CASS4: variants seen among roughly 807,000 people sequenced by gnomAD.
CASS4 encodes cas scaffolding protein family member 4.
Under a neutral mutation model 54.2 loss-of-function variants are expected in CASS4, and 22 were observed. The observed-to-expected ratio is 0.41, with a 90% CI of 0.29 to 0.58. The LOEUF is 0.58. CASS4 is among the 20% of genes least tolerant of loss of function. The probability of loss-of-function intolerance (pLI) is 0.36; values close to 1 mark genes in which losing one functional copy is unlikely to be tolerated. For missense variants in CASS4, 854 were observed against 986.7 expected (o/e 0.87, Z 1.80); for synonymous variants, 409 against 391.5 (o/e 1.04, Z -0.53).
At chr20:56,429,544 G>C (rs1447130597) in intron 1 of CASS4, among the ~76,000 whole-genome samples, 1 of 152,100 alleles carries the variant, frequency 6.6e-6, no homozygotes, top group Non-Finnish European at 1.5e-5. Context: ...CAGGGCCTTT[G>C]TTGATCTCTC....
chr20:56,422,139 A>G (rs2146266075), intron 1 of CASS4, among the ~76,000 whole-genome samples: 1 of 152,344 alleles, frequency 6.6e-6, no homozygotes, highest in African/African-American at 2.4e-5. Flanking sequence ...ACAGTTCCCC[A>G]AACCAAATAT....
At chr20:56,431,484 T>C (rs756216760) in intron 1 of CASS4, among the ~76,000 whole-genome samples, 1 of 152,354 alleles carries the variant, frequency 6.6e-6, no homozygotes, top group South Asian at 2.1e-4. Flanking sequence ...TATGGCAACA[T>C]ATTTAGAGTT....
At chr20:56,440,236 GC>G (rs1449555584) in intron 2 of CASS4, among the ~76,000 whole-genome samples, 1 of 152,152 alleles carries the variant, frequency 6.6e-6, no homozygotes, top group African/African-American at 2.4e-5. Flanking sequence ...GGAACAACTG[GC>G]CCCGATCTAG....
chr20:56,433,417 A>C (rs555035471), intron 1 of CASS4, among the ~76,000 whole-genome samples: 20 of 152,100 alleles, frequency 1.3e-4, no homozygotes, highest in Non-Finnish European at 2.4e-4. Flanking sequence ...ATGAGTCTGG[A>C]AGTGTGGGAA....
chr20:56,457,983 C>G (rs1380088400), intron 5 of CASS4, among the ~76,000 whole-genome samples: 3 of 145,942 alleles, frequency 2.1e-5, no homozygotes, highest in Non-Finnish European at 4.5e-5. Flanking sequence ...CCATTGCACT[C>G]CAGCCTGGAA....
chr20:56,446,143 G>T, intron 3 of CASS4, 142 bp downstream of exon 3: 1 of 571,440 alleles, frequency 1.7e-6, no homozygotes, highest in Non-Finnish European at 3.1e-6. Flanking sequence ...CCACTCAGAG[G>T]CCAACTTCAT....
At position 56,453,191 on chromosome 20, in the gene CASS4, A is replaced by G. The variant is rs766686684; in HGVS notation, c.1953+62A>G. 6 of 1,208,592 alleles carry G rather than the reference A, an allele frequency of 5.0e-6. No individual in the cohort carries two copies. The Admixed American group carries it at 1.0e-4, about 21-fold the overall frequency. 74.9% of individuals were successfully genotyped at this position (1,208,592 alleles called of 1,614,324 possible). ...TCAATTGTTACCTGGAGTAGTGGCT[A>G]CTAAGATGCTGAGACTCTTTCCATA... On this transcript the variant is annotated intron_variant, in intron 5 of 5. Coordinates refer to ENST00000679887, the MANE Select transcript of CASS4 (RefSeq NM_020356.4).
chr20:56,428,317 A>T lies in CASS4; in HGVS notation c.37-8847A>T, dbSNP rs138503620. Among the ~76,000 whole-genome samples, 28 of 152,356 alleles carry T rather than the reference A, an allele frequency of 1.8e-4. 1 individual carries two copies. Among genetic ancestry groups the T allele is most frequent in the African/African-American group, 6.0e-4 (25 of 41,584 alleles). On this transcript the variant is annotated intron_variant, in intron 1 of 5. Coordinates refer to ENST00000679887, the MANE Select transcript of CASS4 (RefSeq NM_020356.4). The stretch of plus-strand genomic sequence containing the variant: ...AGAAGGAGCTGGACAGAGTAGAGAC[A>T]GCCTCAAACTGTGGGGCAGCTTAGA...
chr20:56,413,189 A>T (rs1978965712), intron 1 of CASS4, among the ~76,000 whole-genome samples: 3 of 151,768 alleles, frequency 2.0e-5, no homozygotes. Context: ...AAAAAAGAAA[A>T]GAAAAGTTAA....
intron 1 of CASS4, among the ~76,000 whole-genome samples, chr20:56,435,841 C>T (rs2146279497): frequency 6.6e-6 from 1 of 152,256 alleles, no homozygotes; most frequent in South Asian, 2.1e-4. Flanking sequence ...ACCTCCGCCT[C>T]CAGGGTTCAA....
At chr20:56,447,851 GT>G (rs1236647047) in intron 3 of CASS4, among the ~76,000 whole-genome samples, 3 of 144,338 alleles carry the variant, frequency 2.1e-5, no homozygotes, top group Non-Finnish European at 4.5e-5. Flanking sequence ...GGGTGTAAAA[GT>G]TATCAATGGG....
In CASS4 at chr20:56,458,673, G is replaced by T. The variant is rs371811746; in HGVS notation, c.2287G>T (p.Ala763Ser). 3.7e-6 allele frequency: 6 copies of T among 1,612,924 alleles called. No individual in the cohort carries two copies. The Admixed American group carries it at 1.0e-4, about 27-fold the overall frequency. The change falls in exon 6 of 6, where the codon GCG becomes TCG. Residue 763 changes from alanine to serine, a missense_variant. Physicochemically the swap from Ala to Ser is moderately conservative, Grantham distance 99 (BLOSUM62 1). Coordinates refer to ENST00000679887, the MANE Select transcript of CASS4 (RefSeq NM_020356.4). ...CGTGCTCACGTACCCCAGCCCTGCC[G>T]CGCTGGGGCACCTCCAGGCGGAGGC... ...NAVLTYPSPA[A>S]LGHLQAEAEK...
intron 5 of CASS4, chr20:56,453,727 A>G (rs957161428): frequency 6.6e-6 from 1 of 152,484 alleles, no homozygotes; most frequent in African/African-American, 2.4e-5. Context: ...AGCTGTACAA[A>G]ATTTATTTTT....
At position 56,414,752 on chromosome 20, in the gene CASS4, C is replaced by A. The variant is rs941484100; in HGVS notation, c.36+2258C>A. 2.3e-4 allele frequency among the ~76,000 whole-genome samples: 35 copies of A among 152,028 alleles called. No homozygotes were observed. Among genetic ancestry groups the A allele is most frequent in the Non-Finnish European group, 5.9e-5 (4 of 67,982 alleles). On this transcript the variant is annotated intron_variant, in intron 1 of 5. Coordinates refer to ENST00000679887, the MANE Select transcript of CASS4 (RefSeq NM_020356.4). This position sits in a 1 kb window ranked among gnomAD's most constrained non-coding sequence, Gnocchi z 4.1. ...GATCACCTGAGGTCAGGGGATTAGCCTGGCCAAAATGGTGAAACCCCATCT... is the reference window on the plus strand; with the variant it reads ...GATCACCTGAGGTCAGGGGATTAGCATGGCCAAAATGGTGAAACCCCATCT...
In CASS4 at chr20:56,426,364, A is replaced by T. The variant is rs151198793; in HGVS notation, c.37-10800A>T. 5.5e-3 allele frequency among the ~76,000 whole-genome samples: 841 copies of T among 152,308 alleles called. 10 individuals are homozygous for T. Among genetic ancestry groups the T allele is most frequent in the African/African-American group, 0.019 (803 of 41,566 alleles). On this transcript the variant is annotated intron_variant, in intron 1 of 5. Transcript: ENST00000679887. ...CTGCTTATCCCAGTGCCTGACACAG[A>T]GTTGAGAACCCGCGAGCTATCCTGA...
chr20:56,413,672 C>CAA (rs35217347), intron 1 of CASS4, among the ~76,000 whole-genome samples: 4,837 of 28,266 alleles, frequency 0.17, 872 homozygotes, highest in Non-Finnish European at 0.22. Flanking sequence ...GACTCTGTCT[C>CAA]AAAAAAAAAA....
intron 1 of CASS4, among the ~76,000 whole-genome samples, chr20:56,419,939 A>G (rs1265816576): frequency 1.3e-5 from 2 of 152,162 alleles, no homozygotes; most frequent in African/African-American, 4.8e-5. Flanking sequence ...AATACTCAGG[A>G]GACTGAGGCA....
intron 3 of CASS4, among the ~76,000 whole-genome samples, chr20:56,448,381 C>T (rs551624774): frequency 9.2e-5 from 14 of 152,216 alleles, no homozygotes; most frequent in African/African-American, 2.9e-4. Context: ...CTTTGCTCTC[C>T]TCCCCCTGGT....
At chr20:56,415,910 C>T (rs536600638) in intron 1 of CASS4, among the ~76,000 whole-genome samples, 1 of 152,290 alleles carries the variant, frequency 6.6e-6, no homozygotes, top group African/African-American at 2.4e-5. Flanking sequence ...TTTTATAGAA[C>T]AAGGCGAAAT....
Sources: gnomAD v4.1 joint callset for allele counts (sites outside exome capture counted in the v4.1 genomes callset) on GRCh38, gnomAD v4.1.1 for gene constraint, Gnocchi (gnomAD v3.1) non-coding constraint, MANE v1.5 for transcripts, NCBI Gene and HGNC (gene_info 2026-07-23, HGNC 2026-07-21) for gene names.